Variants in DIP2C observed in about 807,000 individuals in gnomAD.
The protein encoded by DIP2C is DIP2 acetate--CoA ligase C (putative).
Under a neutral mutation model 192.4 loss-of-function variants are expected in DIP2C, and 33 were observed. The observed-to-expected ratio is 0.17, with a 90% CI of 0.13 to 0.23. DIP2C has a LOEUF of 0.23. Among genes scored for constraint, DIP2C ranks in the 10% least tolerant of loss-of-function variants. DIP2C has a pLI of 1.00. For synonymous variants in DIP2C, 979 were observed against 864.1 expected, an observed-to-expected ratio of 1.13 and a Z score of -2.33; for missense variants, 1,537 against 2,110.1, an observed-to-expected ratio of 0.73 and a Z score of 5.32.
chr10:280,384 C>A (rs553994837), intron 36 of DIP2C, among the ~76,000 whole-genome samples: 37 of 152,318 alleles, frequency 2.4e-4, no homozygotes, highest in African/African-American at 6.5e-4. Flanking sequence ...TCACCAGGTG[C>A]CCCTCAGTTA....
intron 1 of DIP2C, among the ~76,000 whole-genome samples, chr10:561,923 G>C (rs562205515): frequency 6.6e-6 from 1 of 152,294 alleles, no homozygotes; most frequent in East Asian, 1.9e-4. Context: ...CCCACCTTCG[G>C]TGTCAGCAGT....
At chr10:547,582 A>G (rs1442167107) in intron 1 of DIP2C, among the ~76,000 whole-genome samples, 2 of 152,130 alleles carry the variant, frequency 1.3e-5, no homozygotes, top group African/African-American at 2.4e-5. Flanking sequence ...AGGGGCTGGA[A>G]CAGTCTCTGT....
At position 363,076 on chromosome 10, in the gene DIP2C, G is replaced by A. The variant is rs967746273; in HGVS notation, c.2592+121C>T. ...TTGATGTAGTTCCTGATCAAATGAA[G>A]GGAAGGGAAAAAGGGCCACCCCATG... On this transcript the variant is annotated intron_variant, in intron 21 of 36. Transcript: ENST00000280886. This position sits in a 1 kb window ranked among gnomAD's most constrained non-coding sequence, Gnocchi z 5.4. 3.8e-6 allele frequency: 3 copies of A among 787,058 alleles called. No homozygotes were observed. The highest frequency in any genetic ancestry group is 3.6e-5 in the South Asian group (2 of 56,290). 48.8% of individuals were successfully genotyped at this position (787,058 alleles called of 1,614,324 possible).
chr10:292,509 A>T (rs1428267334), intron 32 of DIP2C, among the ~76,000 whole-genome samples: 1 of 152,216 alleles, frequency 6.6e-6, no homozygotes, highest in Admixed American at 6.5e-5. Flanking sequence ...CTAGCCTCTA[A>T]CTTGCCCTGT....
chr10:390,703 C>T (rs777163110), intron 11 of DIP2C, 37 bp downstream of exon 11: 33 of 1,600,414 alleles, frequency 2.1e-5, no homozygotes, highest in African/African-American at 2.7e-5. Flanking sequence ...TGACAAAGGA[C>T]GTGGGCATGC....
chr10:580,449 G>GTATTTAACGC (rs1850555389), intron 1 of DIP2C, among the ~76,000 whole-genome samples: 1 of 152,112 alleles, frequency 6.6e-6, no homozygotes, highest in Non-Finnish European at 1.5e-5. Flanking sequence ...TTAAATACAT[G>GTATTTAACGC]CATGTATGTA....
At chr10:314,554 G>A (rs1258200877) in intron 31 of DIP2C, among the ~76,000 whole-genome samples, 1 of 152,218 alleles carries the variant, frequency 6.6e-6, no homozygotes, top group Non-Finnish European at 1.5e-5. Context: ...CCCAGCAGCT[G>A]GACGCCGTCC....
intron 5 of DIP2C, 44 bp from the exon 6 acceptor site, chr10:419,243 T>C (rs761591349): frequency 6.2e-7 from 1 of 1,612,966 alleles, no homozygotes; most frequent in East Asian, 2.2e-5. Flanking sequence ...GTTGTGATGT[T>C]TGCTCTGAAG....
chr10:309,498 T>G (rs950054246), intron 32 of DIP2C, among the ~76,000 whole-genome samples: 4 of 151,552 alleles, frequency 2.6e-5, no homozygotes, highest in African/African-American at 9.7e-5. Flanking sequence ...GATGGTCAGA[T>G]AAAGCAGCTC....
intron 1 of DIP2C, among the ~76,000 whole-genome samples, chr10:585,222 G>A (rs779617966): frequency 3.3e-5 from 5 of 152,190 alleles, no homozygotes; most frequent in African/African-American, 9.6e-5. Context: ...CACTGACTTC[G>A]TCAGAGCAAG....
chr10:537,899 C>T (rs1176701450), intron 1 of DIP2C, among the ~76,000 whole-genome samples: 1 of 151,938 alleles, frequency 6.6e-6, no homozygotes, highest in African/African-American at 2.4e-5. Flanking sequence ...AGGCGATTCT[C>T]CTGCCTCAGC....
intron 1 of DIP2C, chr10:663,484 C>A: frequency 6.6e-6 from 1 of 152,382 alleles, no homozygotes; most frequent in Non-Finnish European, 1.5e-5. Flanking sequence ...GCAGAAATTC[C>A]ACAGCCCTGC....
intron 15 of DIP2C, 70 bp downstream of exon 15, chr10:384,476 G>A: frequency 1.3e-6 from 2 of 1,486,790 alleles, no homozygotes; most frequent in Non-Finnish European, 1.9e-6. Context: ...GACCTCAGGT[G>A]ATCCACCTGC....
At chr10:667,875 CAT>C in intron 1 of DIP2C, 1 of 152,196 alleles carries the variant, frequency 6.6e-6, no homozygotes. Context: ...CAACTCACAA[CAT>C]ACACATACAA....
At chr10:370,385 C>T (rs1350574580) in intron 17 of DIP2C, among the ~76,000 whole-genome samples, 1 of 152,226 alleles carries the variant, frequency 6.6e-6, no homozygotes, top group Admixed American at 6.5e-5. Context: ...CGCTGCTACC[C>T]AGGACGTTCC....
chr10:453,843 T>C (rs1430204467), intron 3 of DIP2C, among the ~76,000 whole-genome samples: 3 of 152,210 alleles, frequency 2.0e-5, no homozygotes, highest in Non-Finnish European at 4.4e-5. Flanking sequence ...GAGAAGCTCC[T>C]ACAAAGCTGT....
intron 10 of DIP2C, among the ~76,000 whole-genome samples, chr10:397,872 G>A (rs149891045): frequency 5.1e-4 from 77 of 152,268 alleles, no homozygotes; most frequent in African/African-American, 1.8e-3. Context: ...TGAAAAACCA[G>A]TTCAGCCATG....
chr10:414,424 GA>G (rs1965402839), intron 7 of DIP2C, among the ~76,000 whole-genome samples: 1 of 152,156 alleles, frequency 6.6e-6, no homozygotes, highest in South Asian at 2.1e-4. Flanking sequence ...CAGCCATGCT[GA>G]AATTTCCATT....
intron 1 of DIP2C, among the ~76,000 whole-genome samples, chr10:585,660 C>CT: frequency 6.6e-6 from 1 of 152,238 alleles, no homozygotes; most frequent in South Asian, 2.1e-4. Flanking sequence ...CTGCAGGGGC[C>CT]TCACCTCTGT....
Sources: gnomAD v4.1 joint callset for allele counts (sites outside exome capture counted in the v4.1 genomes callset) on GRCh38, gnomAD v4.1.1 for gene constraint, Gnocchi (gnomAD v3.1) non-coding constraint, MANE v1.5 for transcripts, NCBI Gene and HGNC (gene_info 2026-07-23, HGNC 2026-07-21) for gene names.